Variants in TNRC6B observed in about 807,000 individuals in gnomAD.
TNRC6B encodes trinucleotide repeat containing adaptor 6B.
In TNRC6B, 52 loss-of-function variants were observed where a neutral mutation model predicts 203.6. That is an observed-to-expected ratio of 0.26 (90% CI 0.20 to 0.32). TNRC6B has a LOEUF of 0.32. Ranked by LOEUF, TNRC6B falls within the 10% of genes least tolerant of loss-of-function variation. The pLI, the probability that TNRC6B is intolerant of heterozygous loss-of-function variation, is 1.00. For synonymous variants in TNRC6B, 838 were observed against 845.7 expected (o/e 0.99, Z 0.16); for missense variants, 1,923 against 2,286.2 (o/e 0.84, Z 3.24).
intron 15 of TNRC6B, among the ~76,000 whole-genome samples, chr22:40,306,834 A>G (rs2071092657): frequency 6.6e-6 from 1 of 152,164 alleles, no homozygotes; most frequent in African/African-American, 2.4e-5. Context: ...AAAAATACAA[A>G]AAATTAGCTG....
intron 1 of TNRC6B, among the ~76,000 whole-genome samples, chr22:40,071,820 G>A (rs2067951171): frequency 6.6e-6 from 1 of 152,144 alleles, no homozygotes; most frequent in Admixed American, 6.5e-5. Flanking sequence ...TTTCTAGAGC[G>A]ATTTGTTCAG....
At chr22:40,128,878 A>G (rs2068518137) in intron 3 of TNRC6B, among the ~76,000 whole-genome samples, 1 of 152,208 alleles carries the variant, frequency 6.6e-6, no homozygotes, top group South Asian at 2.1e-4. Flanking sequence ...TGAACCAAAA[A>G]TACATGGTTC....
intron 1 of TNRC6B, among the ~76,000 whole-genome samples, chr22:40,195,642 C>T (rs574714686): frequency 2.4e-4 from 36 of 152,298 alleles, no homozygotes; most frequent in African/African-American, 3.6e-4. Flanking sequence ...TCTGTAGAGA[C>T]GGGGCCTTGA....
intron 1 of TNRC6B, among the ~76,000 whole-genome samples, chr22:40,054,253 A>G (rs554343437): frequency 3.7e-4 from 57 of 152,298 alleles, no homozygotes; most frequent in African/African-American, 1.3e-3. Flanking sequence ...AGACCCTGAT[A>G]AGAACCTGAA....
chr22:40,214,904 G>A (rs1388397340), intron 1 of TNRC6B, among the ~76,000 whole-genome samples: 2 of 152,078 alleles, frequency 1.3e-5, no homozygotes, highest in Non-Finnish European at 2.9e-5. Context: ...ATCTCAAAAA[G>A]TTAAAAGCAA....
At chr22:40,056,705 G>A (rs183382375) in intron 1 of TNRC6B, among the ~76,000 whole-genome samples, 1 of 151,894 alleles carries the variant, frequency 6.6e-6, no homozygotes, top group East Asian at 1.9e-4. Flanking sequence ...GGCTGAGGCA[G>A]GAGGATTGCA....
At chr22:40,150,916 G>T (rs1439090695) in intron 3 of TNRC6B, among the ~76,000 whole-genome samples, 1 of 152,018 alleles carries the variant, frequency 6.6e-6, no homozygotes, top group Non-Finnish European at 1.5e-5. Flanking sequence ...CTAACCCCTG[G>T]ATAAGGAAAC....
At chr22:40,281,009 A>C in intron 10 of TNRC6B, 110 bp from the exon 11 acceptor site, 1 of 936,216 alleles carries the variant, frequency 1.1e-6, no homozygotes, top group Non-Finnish European at 1.6e-6. Context: ...GTTATTGCTA[A>C]TACACTCTAA....
chr22:40,245,919 TGTC>T, intron 1 of TNRC6B, 93 bp from the exon 2 acceptor site: 1 of 802,092 alleles, frequency 1.2e-6, no homozygotes, highest in Middle Eastern at 2.5e-4. Flanking sequence ...AGAGATGAAA[TGTC>T]GTCTTGCCCA....
intron 3 of TNRC6B, among the ~76,000 whole-genome samples, chr22:40,141,494 A>G (rs1450783184): frequency 6.6e-6 from 1 of 152,046 alleles, no homozygotes; most frequent in Non-Finnish European, 1.5e-5. Context: ...TTTTTAAAGA[A>G]ATAAAATAAG....
At chr22:40,132,965 A>AC (rs1555884674) in intron 3 of TNRC6B, among the ~76,000 whole-genome samples, 1 of 67,124 alleles carries the variant, frequency 1.5e-5, no homozygotes, top group Non-Finnish European at 3.2e-5. Flanking sequence ...AAAAAAAAAA[A>AC]AAAAATATAT....
chr22:40,284,113 C>T (rs1304475314), intron 11 of TNRC6B, among the ~76,000 whole-genome samples: 1 of 152,194 alleles, frequency 6.6e-6, no homozygotes, highest in Non-Finnish European at 1.5e-5. Flanking sequence ...GGTAAGACAG[C>T]AGCAGCAGAG....
At position 40,123,110 on chromosome 22, in the gene TNRC6B, C is replaced by T. The variant is rs562540953; in HGVS notation, c.-46-2662C>T. Among the ~76,000 whole-genome samples the T allele has an allele frequency of 3.3e-5, 5 of 152,180 alleles. No homozygotes were observed. In the East Asian group the frequency reaches 9.7e-4, roughly 29 times the overall value. On this transcript the variant is annotated intron_variant, in intron 2 of 23. Coordinates refer to the TNRC6B transcript ENST00000301923. ...TTCTAACATGTTGGAAAACTGAGGG[C>T]TGTAGTAGTAGAGAAGGTAAGACTT...
chr22:40,226,236 T>G (rs780896566), intron 1 of TNRC6B, among the ~76,000 whole-genome samples: 8 of 152,192 alleles, frequency 5.3e-5, no homozygotes, highest in Non-Finnish European at 5.9e-5. Context: ...ATTCTGAAAA[T>G]AGAGCACAAA....
chr22:40,315,645 G>A, intron 20 of TNRC6B, 138 bp downstream of exon 20: 1 of 1,035,536 alleles, frequency 9.7e-7, no homozygotes, highest in Non-Finnish European at 1.4e-6. Flanking sequence ...AGAGGAAAAG[G>A]TACCTCTTGA....
intron 2 of TNRC6B, among the ~76,000 whole-genome samples, chr22:40,117,733 C>G (rs2068403023): frequency 6.6e-6 from 1 of 152,124 alleles, no homozygotes; most frequent in Non-Finnish European, 1.5e-5. Flanking sequence ...ATGTGACTAT[C>G]TACTCTTCTT....
chr22:40,323,892 C>T lies in TNRC6B; in HGVS notation c.*651C>T, dbSNP rs1374433169. On this transcript the variant is annotated 3_prime_UTR_variant, in exon 23 of 23. Coordinates refer to ENST00000454349, the MANE Select transcript of TNRC6B (RefSeq NM_001162501.2). ...ATGCTCGTTCTGGTGTGTGTGTGCA[C>T]GTGTGTTCATGTGCATTCGCGTGCA... is the stretch of plus-strand genomic sequence containing the variant. The T allele has an allele frequency of 6.6e-6, 1 of 152,346 alleles. No individual in the cohort carries two copies. Among genetic ancestry groups the T allele is most frequent in the African/African-American group, 2.4e-5 (1 of 41,382 alleles). The allele number at this position is 152,346 out of a possible 1,614,324, so 9.4% of individuals were successfully genotyped here. A position where few individuals can be genotyped will look rare whatever the true frequency, so the allele number is the denominator to read the frequency against.
intron 1 of TNRC6B, among the ~76,000 whole-genome samples, chr22:40,091,148 AT>A (rs1261021193): frequency 2.4e-4 from 35 of 147,734 alleles, no homozygotes; most frequent in South Asian, 4.3e-4. Flanking sequence ...CACCCGCATA[AT>A]TTTTTTTTTT....
chr22:40,061,947 G>A (rs1162806295), intron 1 of TNRC6B, among the ~76,000 whole-genome samples: 2 of 151,932 alleles, frequency 1.3e-5, no homozygotes, highest in African/African-American at 2.4e-5. Context: ...GGTGGTGGGC[G>A]CCTGTAATCC....
Sources: allele counts gnomAD v4.1 joint callset (sites outside exome capture counted in the v4.1 genomes callset), GRCh38; gene constraint gnomAD v4.1.1; transcripts MANE v1.5; gene names NCBI Gene and HGNC (gene_info 2026-07-23, HGNC 2026-07-21).